Variants in CES5A observed in about 807,000 individuals in gnomAD.
The protein encoded by CES5A is carboxylesterase 5A.
A neutral mutation model predicts 62.9 loss-of-function variants in CES5A; 67 were observed. The observed-to-expected ratio is 1.07, with a 90% CI of 0.88 to 1.31. The LOEUF (loss-of-function observed/expected upper bound fraction) is 1.31. Ranked by LOEUF, CES5A falls within the 50% of genes most tolerant of loss-of-function variation. The pLI, the probability that CES5A is intolerant of heterozygous loss-of-function variation, is 0.00. For missense variants in CES5A, 748 were observed against 708.5 expected (o/e 1.06, Z -0.63); for synonymous variants, 296 against 280.8 (o/e 1.05, Z -0.54).
chr16:55,937,802 G>C (rs1421870772), intron 2 of CES5A, among the ~76,000 whole-genome samples: 1 of 152,094 alleles, frequency 6.6e-6, no homozygotes, highest in Admixed American at 6.5e-5. Flanking sequence ...TTTCCCAAAA[G>C]GGTCCTCTTT....
intron 1 of CES5A, among the ~76,000 whole-genome samples, chr16:55,905,904 G>A (rs1031732469): frequency 6.6e-6 from 1 of 152,082 alleles, no homozygotes; most frequent in African/African-American, 2.4e-5. Flanking sequence ...TAATCGCCTA[G>A]GAAATCTTTG....
chr16:55,882,480 A>T (rs2033772000), intron 1 of CES5A, among the ~76,000 whole-genome samples: 1 of 152,108 alleles, frequency 6.6e-6, no homozygotes, highest in South Asian at 2.1e-4. Context: ...CCTATCCCTG[A>T]CGTTTCCACC....
chr16:55,897,433 ACCAAGATGAAGGTTTG>A (rs139182310), intron 1 of CES5A, among the ~76,000 whole-genome samples: 1,810 of 152,260 alleles, frequency 0.012, 50 homozygotes, highest in African/African-American at 0.041. Context: ...CAGGAAGGGG[ACCAAGATGAAGGTTTG>A]CCTTGCTTTT....
intron 1 of CES5A, among the ~76,000 whole-genome samples, chr16:55,918,226 G>A (rs1475913017): frequency 2.0e-5 from 3 of 152,140 alleles, no homozygotes; most frequent in African/African-American, 7.2e-5. Context: ...ATGGCTGCAG[G>A]CCCAGAGAGG....
At chr16:55,913,086 A>G (rs1248805158) in intron 1 of CES5A, among the ~76,000 whole-genome samples, 1 of 152,162 alleles carries the variant, frequency 6.6e-6, no homozygotes, top group Non-Finnish European at 1.5e-5. Context: ...TTTTATTATT[A>G]CTCAAATCAG....
chr16:55,942,352 GA>G (rs1341937626), intron 2 of CES5A, among the ~76,000 whole-genome samples: 1 of 152,122 alleles, frequency 6.6e-6, no homozygotes, highest in African/African-American at 2.4e-5. Flanking sequence ...AACACATAAA[GA>G]ATTCCTACAA....
At chr16:55,941,386 T>C (rs1395902123) in intron 2 of CES5A, among the ~76,000 whole-genome samples, 1 of 152,022 alleles carries the variant, frequency 6.6e-6, no homozygotes, top group African/African-American at 2.4e-5. Flanking sequence ...TCATTCACAA[T>C]ACCCCTCCAA....
chr16:55,927,995 G>A (rs900366471), upstream of CES5A, among the ~76,000 whole-genome samples: 1 of 152,204 alleles, frequency 6.6e-6, no homozygotes, highest in African/African-American at 2.4e-5. Context: ...TGTAATCCCA[G>A]CACTTTGGGA....
Position 55,892,504 on chromosome 16 carries a change from G to C in CES5A, c.-255-18467C>G, listed in dbSNP as rs141349371. ...GAGTTTGACTCTTTTTGTCAACACT[G>C]GTATGCAAGGTTTGTTTAATATTTG... On this transcript the variant is annotated intron_variant, in intron 1 of 12. Transcript: ENST00000518005. 3.9e-5 allele frequency among the ~76,000 whole-genome samples: 6 copies of C among 152,172 alleles called. No homozygotes were observed. The East Asian group carries it at 1.2e-3, about 29-fold the overall frequency.
chr16:55,912,375 G>C (rs956351788), intron 1 of CES5A, among the ~76,000 whole-genome samples: 1 of 152,194 alleles, frequency 6.6e-6, no homozygotes, highest in Non-Finnish European at 1.5e-5. Context: ...GTGCTGTGCC[G>C]GGTCTCTCTG....
At chr16:55,865,822 T>C (rs2033444959) in intron 5 of CES5A, 141 bp downstream of exon 5, 1 of 913,994 alleles carries the variant, frequency 1.1e-6, no homozygotes, top group Non-Finnish European at 1.7e-6. Context: ...TAACTCATAA[T>C]GTGTTGTGAG....
At chr16:55,916,153 C>T (rs2034146444) in intron 1 of CES5A, among the ~76,000 whole-genome samples, 2 of 152,126 alleles carry the variant, frequency 1.3e-5, no homozygotes, top group African/African-American at 4.8e-5. Flanking sequence ...GGTCCAGGTA[C>T]AGCCATTGGT....
chr16:55,885,963 A>G (rs1164130491), intron 1 of CES5A, among the ~76,000 whole-genome samples: 2 of 152,346 alleles, frequency 1.3e-5, no homozygotes, highest in East Asian at 3.9e-4. Flanking sequence ...AGTTACACAC[A>G]CATGGCTGAC....
upstream of CES5A, among the ~76,000 whole-genome samples, chr16:55,928,222 G>T (rs1031152503): frequency 6.6e-6 from 1 of 151,716 alleles, no homozygotes; most frequent in Non-Finnish European, 1.5e-5. Context: ...CAGCCTGGGC[G>T]ACAGAGCGAG....
rs2033005144 is a variant in CES5A, at chr16:55,846,304, A to G, written c.*147T>C. The stretch of plus-strand genomic sequence containing the variant: ...TGATGTTGAAAAGAATTCTGTAAGG[A>G]TCATTCCTAAGTCCATAAAATATCA... On this transcript the variant is annotated 3_prime_UTR_variant, in exon 13 of 13. Coordinates refer to ENST00000290567, the MANE Select transcript of CES5A (RefSeq NM_001143685.2). 3.1e-6 allele frequency: 2 copies of G among 645,534 alleles called. No homozygotes were observed. Among genetic ancestry groups the G allele is most frequent in the African/African-American group, 1.8e-5 (1 of 54,550 alleles). 40.0% of individuals were successfully genotyped at this position (645,534 alleles called of 1,614,324 possible). A position where few individuals can be genotyped will look rare whatever the true frequency, so the allele number is the denominator to read the frequency against.
chr16:55,922,054 A>G (rs2034211158), intron 1 of CES5A, among the ~76,000 whole-genome samples: 1 of 152,056 alleles, frequency 6.6e-6, no homozygotes, highest in South Asian at 2.1e-4. Context: ...CACTAAAAAT[A>G]AAAAGCAATG....
chr16:55,927,413 G>A (rs1458131784), upstream of CES5A, among the ~76,000 whole-genome samples: 3 of 151,916 alleles, frequency 2.0e-5, no homozygotes, highest in African/African-American at 7.3e-5. Flanking sequence ...CAACAAATCA[G>A]CAAGGAAAAA....
intron 1 of CES5A, among the ~76,000 whole-genome samples, chr16:55,893,758 T>A (rs2033903803): frequency 6.6e-6 from 1 of 152,072 alleles, no homozygotes; most frequent in Non-Finnish European, 1.5e-5. Context: ...ATCTAACATA[T>A]GTGTAATTGA....
upstream of CES5A, among the ~76,000 whole-genome samples, chr16:55,925,906 C>A (rs565520704): frequency 1.3e-4 from 20 of 152,128 alleles, no homozygotes; most frequent in East Asian, 3.9e-3. Flanking sequence ...GGACTAATAT[C>A]TAGAACCTAC....
Sources: allele counts gnomAD v4.1 joint callset (sites outside exome capture counted in the v4.1 genomes callset), GRCh38; gene constraint gnomAD v4.1.1; transcripts MANE v1.5; gene names NCBI Gene and HGNC (gene_info 2026-07-23, HGNC 2026-07-21).